Variants in SENP7 observed in about 807,000 individuals in gnomAD.
SENP7 encodes SUMO specific peptidase 7, also known as sentrin-specific protease 7.
SENP7 carries 64 observed loss-of-function variants against 141.2 expected under a neutral mutation model. The observed-to-expected ratio is 0.45, with a 90% CI of 0.37 to 0.56. SENP7 has a LOEUF of 0.56. Ranked by LOEUF, SENP7 falls within the 20% of genes least tolerant of loss-of-function variation. The probability of loss-of-function intolerance (pLI) is 0.00; values close to 1 mark genes in which losing one functional copy is unlikely to be tolerated. For synonymous variants in SENP7, 382 were observed against 426.4 expected, an observed-to-expected ratio of 0.90 and a Z score of 1.28; for missense variants, 1,025 against 1,212.2, an observed-to-expected ratio of 0.85 and a Z score of 2.29.
At chr3:101,506,907 A>T (rs930257078) in intron 1 of SENP7, among the ~76,000 whole-genome samples, 26 of 152,068 alleles carry the variant, frequency 1.7e-4, no homozygotes, top group Admixed American at 3.3e-4. Flanking sequence ...AAGTTTTTTT[A>T]AAAAATAGCC....
intron 6 of SENP7, 61 bp from the exon 7 acceptor site, chr3:101,372,187 A>T: frequency 1.3e-6 from 1 of 791,952 alleles, no homozygotes; most frequent in Admixed American, 2.6e-5. Flanking sequence ...TTAGAAGCCA[A>T]CTAGCATGTA....
chr3:101,468,521 C>G (rs1219313266), intron 3 of SENP7, among the ~76,000 whole-genome samples: 1 of 152,056 alleles, frequency 6.6e-6, no homozygotes, highest in Non-Finnish European at 1.5e-5. Context: ...CGGAAGAAAC[C>G]CTATAAGCCA....
chr3:101,426,141 C>A (rs1037532342), intron 4 of SENP7, among the ~76,000 whole-genome samples: 1 of 152,040 alleles, frequency 6.6e-6, no homozygotes, highest in African/African-American at 2.4e-5. Flanking sequence ...CCAACATTCC[C>A]CAACCTATCA....
chr3:101,360,595 C>A (rs182005542), intron 11 of SENP7, among the ~76,000 whole-genome samples: 23 of 152,300 alleles, frequency 1.5e-4, no homozygotes, highest in African/African-American at 5.3e-4. Context: ...AAATCTGACA[C>A]AGTCACTTCA....
intron 6 of SENP7, among the ~76,000 whole-genome samples, chr3:101,389,761 GA>G (rs2060758195): frequency 6.6e-6 from 1 of 152,076 alleles, no homozygotes; most frequent in Non-Finnish European, 1.5e-5. Flanking sequence ...CAAAGGAGTT[GA>G]ACACTGTCAC....
At chr3:101,481,850 T>C (rs554737059) in intron 3 of SENP7, among the ~76,000 whole-genome samples, 3 of 152,288 alleles carry the variant, frequency 2.0e-5, no homozygotes, top group East Asian at 3.9e-4. Context: ...ACTGTCGATG[T>C]GGAAATTCCA....
chr3:101,436,453 A>G (rs996604217), intron 4 of SENP7, among the ~76,000 whole-genome samples: 3 of 152,296 alleles, frequency 2.0e-5, no homozygotes, highest in South Asian at 2.1e-4. Context: ...GCTTCTGTAC[A>G]TGAAAGGATA....
intron 4 of SENP7, among the ~76,000 whole-genome samples, chr3:101,438,923 T>C (rs1179937252): frequency 7.1e-6 from 1 of 140,100 alleles, no homozygotes; most frequent in African/African-American, 2.6e-5. Context: ...CCTCCCAAAG[T>C]GCCGAGATTG....
chr3:101,348,018 G>A lies in SENP7; in HGVS notation c.1691C>T (p.Thr564Ile). 1 of 1,599,984 alleles carries A rather than the reference G, an allele frequency of 6.3e-7. No individual in the cohort carries two copies. Among genetic ancestry groups the A allele is most frequent in the Non-Finnish European group, 8.5e-7 (1 of 1,174,688 alleles). Residue 564 changes from threonine (T) to isoleucine (I), a missense_variant, in exon 13 of 24, where the codon ACC becomes ATC. Thr to Ile is a moderately conservative substitution (Grantham distance 89, BLOSUM62 -1). Around this residue, in one of 4 missense-constraint regions of SENP7, gnomAD observed 228 missense variants for 228.5 expected, o/e 1.00. Transcript: ENST00000394095. ...SLNEISLLVD[T>I]THLKRFGLWK... ...TAACCCAAACCGCTTTAAATGTGTG[G>A]TATCCACTAGCAATGAAATCTCATT...
intron 5 of SENP7, among the ~76,000 whole-genome samples, chr3:101,400,565 A>G (rs908579176): frequency 6.6e-6 from 1 of 150,610 alleles, no homozygotes; most frequent in Non-Finnish European, 1.5e-5. Flanking sequence ...CACAATTGTA[A>G]TTGCTTTGAA....
chr3:101,339,337 C>T (rs536023364), intron 16 of SENP7, among the ~76,000 whole-genome samples: 1 of 152,228 alleles, frequency 6.6e-6, no homozygotes, highest in South Asian at 2.1e-4. Context: ...TCTAGAGATA[C>T]AGTACAAAAT....
chr3:101,360,957 A>C (rs1559716601), intron 11 of SENP7, among the ~76,000 whole-genome samples: 1 of 152,168 alleles, frequency 6.6e-6, no homozygotes, highest in Non-Finnish European at 1.5e-5. Context: ...TAATCCGAGC[A>C]CTTTGGGAGG....
At chr3:101,386,063 G>A (rs1438299120) in intron 6 of SENP7, among the ~76,000 whole-genome samples, 1 of 152,038 alleles carries the variant, frequency 6.6e-6, no homozygotes, top group Non-Finnish European at 1.5e-5. Context: ...TTAATGAGGG[G>A]CTTCAAGAGG....
At chr3:101,492,026 AG>A (rs2064985753) in intron 3 of SENP7, among the ~76,000 whole-genome samples, 1 of 152,016 alleles carries the variant, frequency 6.6e-6, no homozygotes. Context: ...CGGAAGGCAG[AG>A]GTTGCGGTGA....
chr3:101,398,930 G>A lies in SENP7; in HGVS notation c.608C>T (p.Ser203Leu), dbSNP rs1230187613. 6.2e-7 allele frequency: 1 copy of A among 1,612,900 alleles called. No individual in the cohort carries two copies. The highest frequency in any genetic ancestry group is 8.5e-7 in the Non-Finnish European group (1 of 1,179,166). The change falls in exon 6 of 24, where the codon TCA becomes TTA. Residue 203 changes from serine (S) to leucine (L), a missense_variant. By Grantham distance (145) the Ser-to-Leu change is moderately radical. Coordinates refer to ENST00000394095, the MANE Select transcript of SENP7 (RefSeq NM_020654.5). ...AGATTCTAGGCTGCCATCAGATGATGAAGAAAGTTGCTCTGATTGCAAGTT... is the reference window on the plus strand; with the variant it reads ...AGATTCTAGGCTGCCATCAGATGATAAAGAAAGTTGCTCTGATTGCAAGTT... ...TDNLQSEQLSSSSDGSLESYQ... is the reference protein window; with the variant it reads ...TDNLQSEQLSLSSDGSLESYQ...
chr3:101,347,792 T>C (rs1233528139), intron 13 of SENP7, 80 bp downstream of exon 13: 4 of 627,850 alleles, frequency 6.4e-6, no homozygotes, highest in Non-Finnish European at 1.0e-5. Flanking sequence ...TGAAATAACA[T>C]TCTATTAAAT....
At chr3:101,361,685 C>G in intron 11 of SENP7, 30 bp downstream of exon 11, 3 of 1,501,954 alleles carry the variant, frequency 2.0e-6, no homozygotes, top group Non-Finnish European at 1.8e-6. Flanking sequence ...AAGATCCAAA[C>G]TAAAAGAAAA....
chr3:101,447,806 G>GT (rs144179228), intron 4 of SENP7, among the ~76,000 whole-genome samples: 19,499 of 151,850 alleles, frequency 0.13, 1,307 homozygotes, highest in South Asian at 0.18. Flanking sequence ...TAGCAAAGTT[G>GT]TAAGACCCAC....
At chr3:101,448,450 A>G (rs1448944147) in intron 4 of SENP7, among the ~76,000 whole-genome samples, 1 of 152,250 alleles carries the variant, frequency 6.6e-6, no homozygotes, top group Non-Finnish European at 1.5e-5. Flanking sequence ...TCTCAAAATG[A>G]CATACAAACG....
Sources: gnomAD v4.1 joint callset for allele counts (sites outside exome capture counted in the v4.1 genomes callset) on GRCh38, gnomAD v4.1.1 for gene constraint, gnomAD v4.1.1 regional missense constraint, MANE v1.5 for transcripts, NCBI Gene and HGNC (gene_info 2026-07-23, HGNC 2026-07-21) for gene names.